OTOA: variants seen among roughly 807,000 people sequenced by gnomAD.
The protein encoded by OTOA is otoancorin, also known as cancer/testis antigen 108.
In OTOA, 70 loss-of-function variants were observed where a neutral mutation model predicts 110.8. The observed-to-expected ratio is 0.63, with a 90% confidence interval of 0.52 to 0.77. OTOA has a LOEUF of 0.77. Ranked by LOEUF, OTOA falls within the 30% of genes least tolerant of loss-of-function variation. The probability of loss-of-function intolerance (pLI) is 0.00; values close to 1 mark genes in which losing one functional copy is unlikely to be tolerated. For synonymous variants in OTOA, 373 were observed against 431.5 expected (o/e 0.86, Z 1.68); for missense variants, 917 against 1,075.8 (o/e 0.85, Z 2.06).
intron 1 of OTOA, among the ~76,000 whole-genome samples, chr16:21,677,723 C>T (rs541442348): frequency 1.3e-5 from 2 of 152,050 alleles, no homozygotes; most frequent in East Asian, 3.9e-4. Context: ...ACCTCATGAT[C>T]CGCCCACCTC....
At chr16:21,711,633 G>A (rs751782669) in intron 13 of OTOA, among the ~76,000 whole-genome samples, 4 of 152,044 alleles carry the variant, frequency 2.6e-5, no homozygotes, top group African/African-American at 4.8e-5. Flanking sequence ...CACACCCAGC[G>A]AATTTTTGTG....
Position 21,691,560 on chromosome 16 carries a change from G to C in OTOA, c.636-24G>C. On this transcript the variant is annotated intron_variant, in intron 8 of 28. Coordinates refer to ENST00000646100, the MANE Select transcript of OTOA (RefSeq NM_144672.4). ...AGCCCCCACCTGCTTGTTATTAGCT[G>C]ATGCCTGTGTTTGTGTCATTTAGAT... 1.9e-6 allele frequency: 3 copies of C among 1,589,854 alleles called. No individual in the cohort carries two copies. In the South Asian group the frequency reaches 3.3e-5, roughly 18 times the overall value.
rs757325104 is a variant in OTOA at position 21,705,320 on chromosome 16, C to T, written c.1104+28C>T. On this transcript the variant is annotated intron_variant, in intron 12 of 28. Coordinates refer to ENST00000646100, the MANE Select transcript of OTOA (RefSeq NM_144672.4). ...ACAGCTGGGGTGCAAGGCCCTGAGGCCTCTGCCTCAGTGTCACTAGCCAGA... is the reference window on the plus strand; with the variant it reads ...ACAGCTGGGGTGCAAGGCCCTGAGGTCTCTGCCTCAGTGTCACTAGCCAGA... 5 of 1,613,170 alleles carry T rather than the reference C, an allele frequency of 3.1e-6. No individual in the cohort carries two copies. In the South Asian group the frequency reaches 4.4e-5, roughly 14 times the overall value.
chr16:21,714,336 T>TTCCTTCCTTCCTTC (rs1567384267), intron 13 of OTOA, among the ~76,000 whole-genome samples: 52 of 61,262 alleles, frequency 8.5e-4, no homozygotes, highest in African/African-American at 2.7e-3. Flanking sequence ...TTCCTTCCTT[T>TTCCTTCCTTCCTTC]CTTTCTTTCT....
intron 1 of OTOA, among the ~76,000 whole-genome samples, chr16:21,666,706 A>C (rs1282097619): frequency 2.0e-5 from 3 of 152,002 alleles, no homozygotes; most frequent in Non-Finnish European, 4.4e-5. Context: ...CAGTGGGGGA[A>C]TCTTTCAGTG....
At chr16:21,719,568 T>C in intron 17 of OTOA, 64 bp downstream of exon 17, 1 of 1,429,472 alleles carries the variant, frequency 7.0e-7, no homozygotes, top group South Asian at 1.1e-5. Flanking sequence ...GGGCCTGGAT[T>C]GGCTGTGGCA....
chr16:21,691,642 T>C lies in OTOA; in HGVS notation c.694T>C (p.Tyr232His), dbSNP rs752551276. 3.1e-6 allele frequency: 5 copies of C among 1,613,802 alleles called. No individual in the cohort carries two copies. In the African/African-American group the frequency reaches 6.7e-5, roughly 22 times the overall value. ...CTCGGCTCATTCCCAGAGAGCTCTC[T>C]ATTCCTGGATGACTGGAATACTGCA... ...KTSAHSQRAL[Y>H]SWMTGILQTS... The change falls in exon 9 of 29, where the codon TAT (tyrosine) becomes CAT (histidine). Residue 232 changes from tyrosine (Y) to histidine (H), a missense_variant. By Grantham distance (83) the Tyr-to-His change is moderately conservative (BLOSUM62 2). Coordinates refer to ENST00000646100, the MANE Select transcript of OTOA (RefSeq NM_144672.4).
Position 21,736,258 on chromosome 16 carries a change from C to G in OTOA, c.2302-3C>G, listed in dbSNP as rs1170662117. 1 of 1,611,480 alleles carries G rather than the reference C, an allele frequency of 6.2e-7. No individual in the cohort carries two copies. The highest frequency in any genetic ancestry group is 8.5e-7 in the Non-Finnish European group (1 of 1,177,798). On this transcript the variant is annotated splice_polypyrimidine_tract_variant and splice_region_variant and intron_variant, in intron 21 of 28. Transcript: ENST00000646100. Reference sequence around the variant, plus strand: ...TCCTCTTCTTTCATCTTCTTTCACACAGTTTCCTGAGATCCTTCTGCAAGC... The same window carrying G: ...TCCTCTTCTTTCATCTTCTTTCACAGAGTTTCCTGAGATCCTTCTGCAAGC...
Position 21,676,659 on chromosome 16 carries a change from G to A in OTOA, c.-4-1852G>A, listed in dbSNP as rs1028255228. Among the ~76,000 whole-genome samples the A allele has an allele frequency of 5.2e-4, 79 of 152,202 alleles. 1 individual carries two copies. The highest frequency in any genetic ancestry group is 1.9e-3 in the African/African-American group (77 of 41,454). ...AAAGGTAGATAAATATTCAGCCAAA[G>A]TCTCAAAAGACCCTTCTTCAGATCT... is the stretch of plus-strand genomic sequence containing the variant. On this transcript the variant is annotated intron_variant, in intron 1 of 28. Coordinates refer to ENST00000646100, the MANE Select transcript of OTOA (RefSeq NM_144672.4).
chr16:21,674,206 A>G (rs1015072963), intron 1 of OTOA, among the ~76,000 whole-genome samples: 3 of 152,234 alleles, frequency 2.0e-5, no homozygotes, highest in African/African-American at 7.2e-5. Context: ...ATAAGAAACA[A>G]CAAAACTATT....
At chr16:21,706,773 C>T (rs2141682632) in intron 12 of OTOA, among the ~76,000 whole-genome samples, 1 of 151,728 alleles carries the variant, frequency 6.6e-6, no homozygotes, top group South Asian at 2.1e-4. Context: ...ATAAAGTCCC[C>T]AAACACATTT....
chr16:21,689,178 C>G (rs1897780109), intron 8 of OTOA, among the ~76,000 whole-genome samples: 1 of 152,060 alleles, frequency 6.6e-6, no homozygotes, highest in Non-Finnish European at 1.5e-5. Context: ...CCATAAAGCA[C>G]TCTTTCTAAA....
At chr16:21,741,959 CT>C (rs1181919405) in intron 23 of OTOA, among the ~76,000 whole-genome samples, 6 of 54,516 alleles carry the variant, frequency 1.1e-4, no homozygotes, top group East Asian at 2.2e-3. Context: ...GCTTTTCTTT[CT>C]TTTTTTTTTC....
At chr16:21,707,649 C>G (rs1198035978) in intron 12 of OTOA, among the ~76,000 whole-genome samples, 3 of 110,330 alleles carry the variant, frequency 2.7e-5, no homozygotes, top group Admixed American at 1.1e-4. Flanking sequence ...TTCTTTCTTT[C>G]TTTCTTTCTC....
chr16:21,719,987 G>T (rs1362694420), intron 17 of OTOA, among the ~76,000 whole-genome samples: 4 of 142,688 alleles, frequency 2.8e-5, no homozygotes, highest in African/African-American at 5.2e-5. Context: ...ACACAGTCTT[G>T]CCCTGTCACC....
chr16:21,680,361 A>G (rs1966879395), intron 5 of OTOA, among the ~76,000 whole-genome samples: 1 of 152,002 alleles, frequency 6.6e-6, no homozygotes, highest in African/African-American at 2.4e-5. Context: ...AAAGTACAAA[A>G]GAATTAGCTA....
chr16:21,693,312 A>C (rs188641200), intron 9 of OTOA, among the ~76,000 whole-genome samples: 1 of 152,294 alleles, frequency 6.6e-6, no homozygotes, highest in East Asian at 1.9e-4. Context: ...ATAGAAAAGA[A>C]TGGCTATATA....
chr16:21,703,003 AT>A (rs759728495), intron 11 of OTOA, among the ~76,000 whole-genome samples: 1 of 152,186 alleles, frequency 6.6e-6, no homozygotes, highest in Non-Finnish European at 1.5e-5. Context: ...ATTTTTTTAA[AT>A]TGATAAATAA....
intron 1 of OTOA, among the ~76,000 whole-genome samples, chr16:21,678,259 T>C (rs1047243161): frequency 6.6e-6 from 1 of 151,930 alleles, no homozygotes; most frequent in African/African-American, 2.4e-5. Flanking sequence ...AAACAGGCCA[T>C]TGTAGTCACC....
Sources: allele counts gnomAD v4.1 joint callset (sites outside exome capture counted in the v4.1 genomes callset), GRCh38; gene constraint gnomAD v4.1.1; transcripts MANE v1.5; gene names NCBI Gene and HGNC (gene_info 2026-07-23, HGNC 2026-07-21).